Variants in SLCO5A1 observed in about 807,000 individuals in gnomAD.
SLCO5A1 encodes the protein solute carrier organic anion transporter family member 5A1.
Under a neutral mutation model 65.1 loss-of-function variants are expected in SLCO5A1, and 39 were observed. The observed-to-expected ratio is 0.60, with a 90% CI of 0.46 to 0.78. The LOEUF (loss-of-function observed/expected upper bound fraction) is 0.78, where lower values mean the gene tolerates loss of function less well. Among genes scored for constraint, SLCO5A1 ranks in the 30% least tolerant of loss-of-function variants. SLCO5A1 has a pLI of 0.00. For synonymous variants in SLCO5A1, 438 were observed against 415.7 expected, an observed-to-expected ratio of 1.05 and a Z score of -0.65; for missense variants, 1,029 against 1,069.4, an observed-to-expected ratio of 0.96 and a Z score of 0.53.
rs1040073623 is a variant in SLCO5A1 at position 69,785,906 on chromosome 8, C to G, written c.908-24031G>C. Among the ~76,000 whole-genome samples, 10 of 152,114 alleles carry G rather than the reference C, an allele frequency of 6.6e-5. No individual in the cohort carries two copies. The East Asian group carries it at 1.9e-3, about 29-fold the overall frequency. On this transcript the variant is annotated intron_variant, in intron 2 of 9. Coordinates refer to ENST00000260126, the MANE Select transcript of SLCO5A1 (RefSeq NM_030958.3). ...AGTCCTAATCTTTTAAATAGAGAAT[C>G]CTGAATAGTCATAGAAGCTATTATA...
At position 69,742,794 on chromosome 8, in the gene SLCO5A1, C is replaced by CTTTTTTTTT. The variant is rs10633803; in HGVS notation, c.1259-4599_1259-4591dup. Among the ~76,000 whole-genome samples the CTTTTTTTTT allele has an allele frequency of 3.7e-4, 31 of 83,194 alleles. 4 individuals are homozygous for CTTTTTTTTT. The East Asian group carries it at 4.0e-3, about 11-fold the overall frequency. The allele number at this position is 83,194 out of a possible 152,430, so 54.6% of individuals were successfully genotyped here. A position where few individuals can be genotyped will look rare whatever the true frequency, so the allele number is the denominator to read the frequency against. On this transcript the variant is annotated intron_variant, in intron 4 of 9. Coordinates refer to ENST00000260126, the MANE Select transcript of SLCO5A1 (RefSeq NM_030958.3). ...CTGAGATAGGTGGTGTGAGTGGATTCTTTTTTTTTTTTTTTTTTTTTTTTG... is the reference window on the plus strand; with the variant it reads ...CTGAGATAGGTGGTGTGAGTGGATTCTTTTTTTTTTTTTTTTTTTTTTTTTTTTTTTTTG...
At chr8:69,676,005 GACCTATGTTCC>G (rs1245606681) in intron 9 of SLCO5A1, among the ~76,000 whole-genome samples, 1 of 152,158 alleles carries the variant, frequency 6.6e-6, no homozygotes, top group Non-Finnish European at 1.5e-5. Context: ...GTAAAAATAA[GACCTATGTTCC>G]ACCCGTACAA....
intron 4 of SLCO5A1, among the ~76,000 whole-genome samples, chr8:69,752,826 A>G (rs1162463570): frequency 6.6e-6 from 1 of 152,208 alleles, no homozygotes; most frequent in African/African-American, 2.4e-5. Flanking sequence ...TAATCAAGGC[A>G]TAGGGTAAAA....
Position 69,682,291 on chromosome 8 carries a change from A to G in SLCO5A1, c.1675T>C (p.Cys559Arg). 1 of 1,611,814 alleles carries G rather than the reference A, an allele frequency of 6.2e-7. No individual in the cohort carries two copies. Among genetic ancestry groups the G allele is most frequent in the South Asian group, 1.1e-5 (1 of 90,590 alleles). The change falls in exon 7 of 10, where the codon TGT (cysteine) becomes CGT (arginine). Residue 559 changes from cysteine to arginine, a missense_variant. This residue lies in a region of SLCO5A1 where 124 missense variants were observed against 184.5 expected (regional missense o/e 0.67). Transcript: ENST00000260126. ...TCATACTCGTGTATTTTACAACCACAATTAACGTTGCAGCTTCCTGTCAGA... is the reference window on the plus strand; with the variant it reads ...TCATACTCGTGTATTTTACAACCACGATTAACGTTGCAGCTTCCTGTCAGA... Reference protein sequence around the residue: ...RNLTGSCNVNCGCKIHEYEPV... With the variant: ...RNLTGSCNVNRGCKIHEYEPV...
intron 2 of SLCO5A1, among the ~76,000 whole-genome samples, chr8:69,819,339 C>T (rs1820539691): frequency 6.6e-6 from 1 of 151,870 alleles, no homozygotes; most frequent in Non-Finnish European, 1.5e-5. Context: ...CACCGCCACC[C>T]CCTACTCCAC....
At chr8:69,817,588 C>T (rs1377049830) in intron 2 of SLCO5A1, among the ~76,000 whole-genome samples, 2 of 152,162 alleles carry the variant, frequency 1.3e-5, no homozygotes. Flanking sequence ...CAAATCCTTT[C>T]ATCCTTTGGA....
At chr8:69,778,369 T>C (rs957970160) in intron 2 of SLCO5A1, among the ~76,000 whole-genome samples, 2 of 152,112 alleles carry the variant, frequency 1.3e-5, no homozygotes, top group Admixed American at 6.6e-5. Flanking sequence ...TAAAAGTGGA[T>C]TCTGGAAGTG....
chr8:69,679,514 G>C lies in SLCO5A1; in HGVS notation c.1888C>G (p.Leu630Val), dbSNP rs748259958. ...GACACAGCATAGCCGTTCTCATTGA[G>C]ATAAGTCTTGACAATAACCACACGG... is the stretch of plus-strand genomic sequence containing the variant. ...QLRVVIVKTYLNENGYAVSGK... is the reference protein window; with the variant it reads ...QLRVVIVKTYVNENGYAVSGK... The change falls in exon 8 of 10, where the codon CTC becomes GTC. Residue 630 changes from leucine to valine, a missense_variant. Coordinates refer to ENST00000260126, the MANE Select transcript of SLCO5A1 (RefSeq NM_030958.3). 4 of 1,614,210 alleles carry C rather than the reference G, an allele frequency of 2.5e-6. No homozygotes were observed. The South Asian group carries it at 4.4e-5, about 18-fold the overall frequency.
intron 5 of SLCO5A1, among the ~76,000 whole-genome samples, chr8:69,709,217 T>C (rs1815114105): frequency 1.3e-5 from 2 of 152,148 alleles, no homozygotes; most frequent in Non-Finnish European, 2.9e-5. Context: ...GTTTGGAGGG[T>C]TTTATCTGTT....
chr8:69,807,606 T>A (rs982172294), intron 2 of SLCO5A1, among the ~76,000 whole-genome samples: 1 of 152,244 alleles, frequency 6.6e-6, no homozygotes, highest in African/African-American at 2.4e-5. Flanking sequence ...TGAGCTCATG[T>A]AGTATGTGTT....
At chr8:69,823,477 T>C (rs1820738709) in intron 2 of SLCO5A1, among the ~76,000 whole-genome samples, 1 of 152,170 alleles carries the variant, frequency 6.6e-6, no homozygotes, top group South Asian at 2.1e-4. Flanking sequence ...GTTGCAATCC[T>C]AGTCTCTGAT....
intron 5 of SLCO5A1, among the ~76,000 whole-genome samples, chr8:69,708,387 A>C (rs1351053546): frequency 1.3e-5 from 2 of 152,112 alleles, no homozygotes; most frequent in Non-Finnish European, 2.9e-5. Flanking sequence ...AGTATTCGGT[A>C]TATAATATAA....
intron 6 of SLCO5A1, among the ~76,000 whole-genome samples, chr8:69,685,526 A>G (rs907955142): frequency 6.6e-6 from 1 of 152,216 alleles, no homozygotes; most frequent in African/African-American, 2.4e-5. Context: ...AATCGTGTTA[A>G]CTCAAGAATC....
Position 69,755,625 on chromosome 8 carries a change from G to C in SLCO5A1, c.1057C>G (p.Leu353Val), listed in dbSNP as rs753633898. ...ACAAGAAACATTGCAATGGCACAAA[G>C]GAGGAATCCACTCCACCTAAAAAAT... ...FIGNWWSGFL[L>V]CAIAMFLVIF... Residue 353 changes from leucine (L) to valine (V), a missense_variant, in exon 4 of 10, where the codon CTT (leucine) becomes GTT (valine). Leu to Val is a conservative substitution (Grantham distance 32, BLOSUM62 1). Coordinates refer to ENST00000260126, the MANE Select transcript of SLCO5A1 (RefSeq NM_030958.3). 1 of 1,612,592 alleles carries C rather than the reference G, an allele frequency of 6.2e-7. No homozygotes were observed. Among genetic ancestry groups the C allele is most frequent in the African/African-American group, 1.3e-5 (1 of 74,902 alleles).
At chr8:69,739,791 A>T (rs1816719154) in intron 4 of SLCO5A1, among the ~76,000 whole-genome samples, 1 of 152,188 alleles carries the variant, frequency 6.6e-6, no homozygotes, top group South Asian at 2.1e-4. Context: ...AGTGCTTCAT[A>T]AAATCATCCT....
At chr8:69,715,766 A>G (rs1815493232) in intron 5 of SLCO5A1, among the ~76,000 whole-genome samples, 1 of 152,208 alleles carries the variant, frequency 6.6e-6, no homozygotes, top group Admixed American at 6.5e-5. Flanking sequence ...TTTCATAAAT[A>G]TAGTCACATC....
intron 4 of SLCO5A1, among the ~76,000 whole-genome samples, chr8:69,744,115 A>G (rs1219719895): frequency 6.6e-6 from 1 of 152,052 alleles, no homozygotes; most frequent in Non-Finnish European, 1.5e-5. Flanking sequence ...TGCTCTTTAC[A>G]ACCTGAAAGG....
intron 2 of SLCO5A1, among the ~76,000 whole-genome samples, chr8:69,804,000 A>G (rs904866892): frequency 2.0e-5 from 3 of 152,122 alleles, no homozygotes; most frequent in African/African-American, 7.2e-5. Flanking sequence ...CACTGGGGAG[A>G]GGGAAAGGAG....
At chr8:69,684,253 G>T (rs1299150356) in intron 6 of SLCO5A1, among the ~76,000 whole-genome samples, 2 of 152,158 alleles carry the variant, frequency 1.3e-5, no homozygotes, top group Admixed American at 1.3e-4. Context: ...GGGACCTTTG[G>T]CAACGTCAGG....
Sources: gnomAD v4.1 joint callset for allele counts (sites outside exome capture counted in the v4.1 genomes callset) on GRCh38, gnomAD v4.1.1 for gene constraint, gnomAD v4.1.1 regional missense constraint, MANE v1.5 for transcripts, NCBI Gene and HGNC (gene_info 2026-07-23, HGNC 2026-07-21) for gene names.